Variants in HACE1 observed in about 807,000 individuals in gnomAD.
The protein encoded by HACE1 is HECT domain and ankyrin repeat containing E3 ubiquitin protein ligase 1, also known as E3 ubiquitin-protein ligase HACE1.
HACE1 carries 73 observed loss-of-function variants against 118.4 expected under a neutral mutation model. The ratio of observed to expected loss-of-function variants is 0.62; its 90% CI spans 0.51 to 0.75. HACE1 has a LOEUF of 0.75. HACE1 is among the 30% of genes least tolerant of loss of function. HACE1 has a pLI of 0.00. For synonymous variants in HACE1, 368 were observed against 374.8 expected, an observed-to-expected ratio of 0.98 and a Z score of 0.21; for missense variants, 749 against 1,102.2, an observed-to-expected ratio of 0.68 and a Z score of 4.54.
intron 6 of HACE1, among the ~76,000 whole-genome samples, chr6:104,819,055 A>C (rs1039541233): frequency 1.3e-5 from 2 of 152,178 alleles, no homozygotes; most frequent in Non-Finnish European, 2.9e-5. Flanking sequence ...CAGGCAAGAG[A>C]AAAAAACAAA....
Position 104,757,918 on chromosome 6 carries a change from G to A in HACE1, c.2212-7446C>T, listed in dbSNP as rs543048807. ...GAAGCATACATAAGCTCCAATAGCC[G>A]ATTCGATCAAGTGGAAGAAAGGATG... On this transcript the variant is annotated intron_variant, in intron 19 of 23. Coordinates refer to ENST00000262903, the MANE Select transcript of HACE1 (RefSeq NM_020771.4). Among the ~76,000 whole-genome samples the A allele has an allele frequency of 2.6e-4, 39 of 152,200 alleles. No individual in the cohort carries two copies. In the South Asian group the frequency reaches 5.8e-3, roughly 23 times the overall value.
intron 10 of HACE1, 75 bp downstream of exon 10, chr6:104,795,503 AC>A (rs1430935942): frequency 4.5e-6 from 4 of 886,012 alleles, no homozygotes; most frequent in Non-Finnish European, 7.7e-6. Context: ...AAGGTATCCC[AC>A]AGAATAAACT....
chr6:104,737,600 C>G (rs1024179295), intron 22 of HACE1, among the ~76,000 whole-genome samples: 7 of 152,264 alleles, frequency 4.6e-5, no homozygotes, highest in East Asian at 1.9e-4. Flanking sequence ...CACTCCCACC[C>G]GAATACTGCG....
At chr6:104,796,891 T>C (rs746555932) in intron 8 of HACE1, 38 bp downstream of exon 8, 5 of 1,236,478 alleles carry the variant, frequency 4.0e-6, no homozygotes, top group Admixed American at 1.7e-5. Context: ...GTTTCTATTA[T>C]AAAGATAAGG....
chr6:104,752,732 A>C (rs538817349), intron 19 of HACE1, among the ~76,000 whole-genome samples: 1 of 152,022 alleles, frequency 6.6e-6, no homozygotes, highest in African/African-American at 2.4e-5. Context: ...TTCCTCCTAC[A>C]TTTTATTTTT....
chr6:104,848,747 T>C (rs1028894811), intron 4 of HACE1, among the ~76,000 whole-genome samples: 2 of 151,924 alleles, frequency 1.3e-5, no homozygotes, highest in African/African-American at 4.8e-5. Context: ...AGCCATGGAG[T>C]TAGGAGTGGC....
chr6:104,859,732 A>C lies in HACE1; in HGVS notation c.-90T>G. 1 of 1,201,944 alleles carries C rather than the reference A, an allele frequency of 8.3e-7. No homozygotes were observed. Among genetic ancestry groups the C allele is most frequent in the Non-Finnish European group, 1.2e-6 (1 of 860,620 alleles). The allele number at this position is 1,201,944 out of a possible 1,614,324, so 74.5% of individuals were successfully genotyped here. On this transcript the variant is annotated 5_prime_UTR_variant, in exon 1 of 24. Transcript: ENST00000262903. ...CCCTACATCTCGCCTGGGCCCGTCC[A>C]GCAGGCGGAGACGCGGGCTTGCCCC...
chr6:104,765,288 T>C (rs904430171), intron 19 of HACE1, among the ~76,000 whole-genome samples: 2 of 152,206 alleles, frequency 1.3e-5, no homozygotes, highest in African/African-American at 4.8e-5. Flanking sequence ...AGCATAATAA[T>C]GGACTGGTAA....
intron 1 of HACE1, chr6:104,858,595 G>A (rs968235048): frequency 7.4e-6 from 2 of 269,766 alleles, no homozygotes; most frequent in Non-Finnish European, 7.5e-6. Context: ...TTTCATGACC[G>A]TCTGCCAAGG....
At chr6:104,802,976 T>A (rs1770552205) in intron 7 of HACE1, among the ~76,000 whole-genome samples, 1 of 151,826 alleles carries the variant, frequency 6.6e-6, no homozygotes, top group East Asian at 1.9e-4. Context: ...GCAAGACTAA[T>A]AAAGAAGAAG....
intron 22 of HACE1, among the ~76,000 whole-genome samples, chr6:104,738,652 G>A (rs1247522489): frequency 3.3e-5 from 5 of 149,750 alleles, no homozygotes; most frequent in Non-Finnish European, 5.9e-5. Context: ...AAGCCTCCAA[G>A]AAATATGGGA....
Position 104,846,688 on chromosome 6 carries a change from AATGGG to A in HACE1, c.326+2449_326+2453del, listed in dbSNP as rs1481542878. 1.3e-3 allele frequency among the ~76,000 whole-genome samples: 205 copies of A among 152,302 alleles called. 1 individual carries two copies. The highest frequency in any genetic ancestry group is 2.2e-4 in the Non-Finnish European group (15 of 68,018). On this transcript the variant is annotated intron_variant, in intron 4 of 23. Transcript: ENST00000262903. ...CCCCAAAACGCAGACTGACCAACAA[AATGGG>A]AAGAACTCTACTATGACTTCTACTT... is the stretch of plus-strand genomic sequence containing the variant.
At chr6:104,811,242 T>TATATATATATATATATATATA (rs1177876499) in intron 7 of HACE1, 69 bp downstream of exon 7, 38 of 192,684 alleles carry the variant, frequency 2.0e-4, no homozygotes, top group Admixed American at 3.2e-4. Context: ...ATTTCTTTAT[T>TATATATATATATATATATATA]TATACATATA....
At chr6:104,817,530 C>T (rs928433822) in intron 6 of HACE1, among the ~76,000 whole-genome samples, 2 of 152,148 alleles carry the variant, frequency 1.3e-5, no homozygotes, top group Admixed American at 1.3e-4. Context: ...TCAATTAAAA[C>T]TCTTTTCTTC....
At chr6:104,754,119 A>G (rs1023698729) in intron 19 of HACE1, among the ~76,000 whole-genome samples, 3 of 152,196 alleles carry the variant, frequency 2.0e-5, no homozygotes, top group Non-Finnish European at 2.9e-5. Context: ...AATCACAAGT[A>G]TCAATAGCAG....
chr6:104,828,792 A>T (rs1441104676), intron 6 of HACE1, among the ~76,000 whole-genome samples: 2 of 152,052 alleles, frequency 1.3e-5, no homozygotes, highest in Non-Finnish European at 2.9e-5. Flanking sequence ...GACAAAAATG[A>T]ATCTTCTGAA....
At chr6:104,825,580 A>G (rs555316454) in intron 6 of HACE1, among the ~76,000 whole-genome samples, 1 of 152,302 alleles carries the variant, frequency 6.6e-6, no homozygotes, top group South Asian at 2.1e-4. Context: ...CCCACAACCA[A>G]TCAGATGTTT....
At chr6:104,768,920 T>C (rs1191502785) in intron 19 of HACE1, among the ~76,000 whole-genome samples, 1 of 152,052 alleles carries the variant, frequency 6.6e-6, no homozygotes, top group Non-Finnish European at 1.5e-5. Context: ...TTCATTAAAA[T>C]ACACAAATAC....
Position 104,738,238 on chromosome 6 carries a change from G to A in HACE1, c.2513+5922C>T, listed in dbSNP as rs564839150. Among the ~76,000 whole-genome samples the A allele has an allele frequency of 1.8e-3, 278 of 152,274 alleles. 1 individual carries two copies. The highest frequency in any genetic ancestry group is 6.2e-3 in the African/African-American group (256 of 41,566). On this transcript the variant is annotated intron_variant, in intron 22 of 23. Transcript: ENST00000262903. ...GGGGAAAAAACAGAACAGAAAAACC[G>A]GAAACTCTAAAAAGCAGAGTGCCTC...
Sources: gnomAD v4.1 joint callset for allele counts (sites outside exome capture counted in the v4.1 genomes callset) on GRCh38, gnomAD v4.1.1 for gene constraint, MANE v1.5 for transcripts, NCBI Gene and HGNC (gene_info 2026-07-23, HGNC 2026-07-21) for gene names.